CDS2: variants seen among roughly 807,000 people sequenced by gnomAD.
CDS2 encodes the protein phosphatidate cytidylyltransferase 2.
A neutral mutation model predicts 59.0 loss-of-function variants in CDS2; 47 were observed. That is an observed-to-expected ratio of 0.80 (90% confidence interval 0.63 to 1.02). The LOEUF is 1.02. CDS2 is among the 50% of genes least tolerant of loss of function. The pLI, the probability that CDS2 is intolerant of heterozygous loss-of-function variation, is 0.00. For missense variants in CDS2, 356 were observed against 558.9 expected (o/e 0.64, Z 3.66); for synonymous variants, 207 against 206.4 (o/e 1.00, Z -0.02).
intron 1 of CDS2, among the ~76,000 whole-genome samples, chr20:5,130,053 A>G (rs1013258465): frequency 2.0e-5 from 3 of 151,776 alleles, no homozygotes; most frequent in Admixed American, 6.6e-5. Context: ...GCTCACTGCA[A>G]CCTCCACCTC....
intron 1 of CDS2, 82 bp downstream of exon 1, chr20:5,127,231 C>T: frequency 1.6e-6 from 2 of 1,260,230 alleles, no homozygotes; most frequent in East Asian, 6.3e-5. Context: ...GAGGGGTCGT[C>T]TTGTTCTCTG....
chr20:5,189,721 C>G lies in CDS2; in HGVS notation c.1102-14C>G, dbSNP rs375247624. The G allele has an allele frequency of 6.2e-7, 1 of 1,606,440 alleles. No homozygotes were observed. The highest frequency in any genetic ancestry group is 1.3e-5 in the African/African-American group (1 of 74,728). On this transcript the variant is annotated splice_polypyrimidine_tract_variant and intron_variant, in intron 11 of 12. Coordinates refer to ENST00000460006, the MANE Select transcript of CDS2 (RefSeq NM_003818.4). Reference sequence around the variant, plus strand: ...TGAGCCCAAGTTCACCCATCCTTCCCCTGCCTCTAACAGGACTTTGCCAAT... The same window carrying G: ...TGAGCCCAAGTTCACCCATCCTTCCGCTGCCTCTAACAGGACTTTGCCAAT...
intron 1 of CDS2, among the ~76,000 whole-genome samples, chr20:5,127,969 G>C (rs2122931154): frequency 6.6e-6 from 1 of 152,302 alleles, no homozygotes; most frequent in South Asian, 2.1e-4. Flanking sequence ...GGAGCCCTGT[G>C]TTTGGGAAAC....
chr20:5,179,245 C>T (rs529187500), intron 5 of CDS2, among the ~76,000 whole-genome samples: 5 of 152,074 alleles, frequency 3.3e-5, no homozygotes, highest in East Asian at 3.9e-4. Context: ...CCTCAGGTCC[C>T]GAAGTAGCTG....
chr20:5,175,358 G>C, intron 3 of CDS2, 79 bp downstream of exon 3: 2 of 1,138,078 alleles, frequency 1.8e-6, no homozygotes, highest in Non-Finnish European at 2.7e-6. Context: ...CGAGGTGTTG[G>C]GTTGGTTGTG....
chr20:5,135,003 A>C (rs754556597), intron 1 of CDS2, among the ~76,000 whole-genome samples: 1 of 152,234 alleles, frequency 6.6e-6, no homozygotes, highest in Non-Finnish European at 1.5e-5. Context: ...TCTCAACCTT[A>C]CAACTGCCAG....
rs1209468734 is a variant in CDS2, at chr20:5,175,229, G to A, written c.241G>A (p.Ala81Thr). ...AGGCATCCTGACTTTGGCCATGATT[G>A]CATTTTTCTTCATCATCATTTACCT... is the stretch of plus-strand genomic sequence containing the variant. ...VRGILTLAMI[A>T]FFFIIIYLGP... The change falls in exon 3 of 13, where the codon GCA becomes ACA. Residue 81 changes from alanine (A) to threonine (T), a missense_variant. By Grantham distance (58) the Ala-to-Thr change is moderately conservative. Coordinates refer to ENST00000460006, the MANE Select transcript of CDS2 (RefSeq NM_003818.4). 1 of 1,614,070 alleles carries A rather than the reference G, an allele frequency of 6.2e-7. No homozygotes were observed. The highest frequency in any genetic ancestry group is 8.5e-7 in the Non-Finnish European group (1 of 1,179,958).
chr20:5,186,785 G>C lies in CDS2; in HGVS notation c.927G>C (p.Leu309=), dbSNP rs1317194252. 7 of 1,614,016 alleles carry C rather than the reference G, an allele frequency of 4.3e-6. No individual in the cohort carries two copies. Among genetic ancestry groups the C allele is most frequent in the Non-Finnish European group, 5.9e-6 (7 of 1,180,024 alleles). The part of the protein sequence containing the change: ...SFTVDCEPSD[L]FRLQEYNIPG... Reference sequence around the variant, plus strand: ...CTGTGGACTGTGAGCCCTCGGACCTGTTTCGCCTGCAGGAGTACAACATTC... The same window carrying C: ...CTGTGGACTGTGAGCCCTCGGACCTCTTTCGCCTGCAGGAGTACAACATTC... Residue 309 remains leucine, a synonymous_variant, in exon 10 of 13, where the codon CTG becomes CTC. Coordinates refer to ENST00000460006, the MANE Select transcript of CDS2 (RefSeq NM_003818.4).
At chr20:5,153,291 G>T (rs1158086442) in intron 1 of CDS2, among the ~76,000 whole-genome samples, 2 of 152,086 alleles carry the variant, frequency 1.3e-5, no homozygotes, top group African/African-American at 2.4e-5. Flanking sequence ...CATATGTATA[G>T]AGTGCGTACA....
chr20:5,141,950 A>T (rs1568529394), intron 1 of CDS2, among the ~76,000 whole-genome samples: 1 of 152,182 alleles, frequency 6.6e-6, no homozygotes, highest in Non-Finnish European at 1.5e-5. Flanking sequence ...TTCACACACT[A>T]CTCTCTCTGA....
At chr20:5,173,206 C>T (rs1224115884) in intron 1 of CDS2, among the ~76,000 whole-genome samples, 2 of 152,232 alleles carry the variant, frequency 1.3e-5, no homozygotes, top group African/African-American at 4.8e-5. Flanking sequence ...TAAAACCGGT[C>T]CCAGCCTCCC....
chr20:5,173,805 TG>T, intron 2 of CDS2, 146 bp downstream of exon 2: 1 of 962,514 alleles, frequency 1.0e-6, no homozygotes, highest in Non-Finnish European at 1.6e-6. Context: ...CAGGCTCCAT[TG>T]AGTGTAATCT....
At position 5,189,437 on chromosome 20, in the gene CDS2, G is replaced by A. The variant is rs561516214; in HGVS notation, c.1101+251G>A. Among the ~76,000 whole-genome samples, 14 of 152,304 alleles carry A rather than the reference G, an allele frequency of 9.2e-5. No homozygotes were observed. In the South Asian group the frequency reaches 1.7e-3, roughly 18 times the overall value. ...CATTTTGGGCCAGGCAGTGGCTCAT[G>A]TCTGTAACCCCAGCACTTTAAGAGG... is the stretch of plus-strand genomic sequence containing the variant. On this transcript the variant is annotated intron_variant, in intron 11 of 12. Transcript: ENST00000460006.
chr20:5,149,198 A>G (rs2090769030), intron 1 of CDS2, among the ~76,000 whole-genome samples: 1 of 151,960 alleles, frequency 6.6e-6, no homozygotes. Context: ...TGGCCCATCA[A>G]CCTGATGTGA....
At position 5,160,263 on chromosome 20, in the gene CDS2, A is replaced by C. The variant is rs79170813; in HGVS notation, c.58-13260A>C. Among the ~76,000 whole-genome samples, 7 of 152,270 alleles carry C rather than the reference A, an allele frequency of 4.6e-5. No homozygotes were observed. The East Asian group carries it at 1.4e-3, about 29-fold the overall frequency. On this transcript the variant is annotated intron_variant, in intron 1 of 12. Transcript: ENST00000460006. ...TTTCTTAGCCCTGCAACTACTTAAC[A>C]CTTCATATGCTTGCTGAAGGGGTAG...
Position 5,184,959 on chromosome 20 carries a change from C to A in CDS2, c.759+14C>A. 1 of 1,586,574 alleles carries A rather than the reference C, an allele frequency of 6.3e-7. No homozygotes were observed. The highest frequency in any genetic ancestry group is 1.7e-4 in the Middle Eastern group (1 of 6,008). Reference sequence around the variant, plus strand: ...CCACTCATCAAGGTAAATGGATTACCCTAATGTGAAATACCACTGTGAGGG... The same window carrying A: ...CCACTCATCAAGGTAAATGGATTACACTAATGTGAAATACCACTGTGAGGG... On this transcript the variant is annotated intron_variant, in intron 8 of 12. Transcript: ENST00000460006. The surrounding 1 kb of genome is among the most constrained non-coding windows in gnomAD (Gnocchi z 4.3).
chr20:5,130,423 G>C (rs55830710), intron 1 of CDS2, among the ~76,000 whole-genome samples: 27,701 of 152,098 alleles, frequency 0.18, 3,974 homozygotes, highest in African/African-American at 0.4. Context: ...TATGAAACAA[G>C]AACTTTTTAA....
At position 5,175,296 on chromosome 20, in the gene CDS2, A is replaced by G. The variant is rs182521543; in HGVS notation, c.291+17A>G. On this transcript the variant is annotated intron_variant, in intron 3 of 12. Coordinates refer to ENST00000460006, the MANE Select transcript of CDS2 (RefSeq NM_003818.4). ...ATGATAATCGTAAGTGCCATTTCAC[A>G]CTATTTTAGTTTTCCCTTCAGTTTT... 7.6e-5 allele frequency: 121 copies of G among 1,599,690 alleles called. 1 individual carries two copies. The highest frequency in any genetic ancestry group is 1.4e-4 in the South Asian group (13 of 90,752).
At chr20:5,166,150 C>G (rs77366965) in intron 1 of CDS2, among the ~76,000 whole-genome samples, 3,941 of 152,074 alleles carry the variant, frequency 0.026, 75 homozygotes, top group East Asian at 0.081. Context: ...TAGGCTGTTG[C>G]AGTTACTCAG....
Sources: allele counts gnomAD v4.1 joint callset (sites outside exome capture counted in the v4.1 genomes callset), GRCh38; gene constraint gnomAD v4.1.1; non-coding constraint Gnocchi (gnomAD v3.1); transcripts MANE v1.5; gene names NCBI Gene and HGNC (gene_info 2026-07-23, HGNC 2026-07-21).